PRKX: variants seen among roughly 807,000 people sequenced by gnomAD.
PRKX encodes protein kinase cAMP-dependent X-linked catalytic subunit.
PRKX carries 12 observed loss-of-function variants against 22.0 expected under a neutral mutation model. The observed-to-expected ratio is 0.54, with a 90% CI of 0.35 to 0.88. The LOEUF (loss-of-function observed/expected upper bound fraction) is 0.88. Ranked by LOEUF, PRKX falls within the 40% of genes least tolerant of loss-of-function variation. The pLI is 0.01. For synonymous variants in PRKX, 134 were observed against 137.7 expected, an observed-to-expected ratio of 0.97 and a Z score of 0.19; for missense variants, 217 against 308.0, an observed-to-expected ratio of 0.70 and a Z score of 2.21.
At chrX:3,613,150 C>CAAAAA (rs528688936) in intron 7 of PRKX, among the ~76,000 whole-genome samples, 4 of 54,322 alleles carry the variant, frequency 7.4e-5, no homozygotes, top group East Asian at 8.1e-4. Context: ...GACTTCGTCT[C>CAAAAA]AAAAAAAAAA....
At chrX:3,686,141 C>T (rs186866253) in intron 1 of PRKX, among the ~76,000 whole-genome samples, 1 of 111,614 alleles carries the variant, frequency 9.0e-6, no homozygotes, top group Non-Finnish European at 1.9e-5. Flanking sequence ...TTCATGAGGA[C>T]CTGTGGGCTG....
At position 3,680,782 on chromosome X, in the gene PRKX, G is replaced by A. The variant is rs367921896; in HGVS notation, c.167-6016C>T. Among the ~76,000 whole-genome samples the A allele has an allele frequency of 4.5e-5, 5 of 112,138 alleles. No homozygotes were observed. In the East Asian group the frequency reaches 1.1e-3, roughly 25 times the overall value. On this transcript the variant is annotated intron_variant, in intron 1 of 8. Coordinates refer to ENST00000262848, the MANE Select transcript of PRKX (RefSeq NM_005044.5). ...TGGGGGGAATCTACAGCCAGGCACCGTAGCTCGCAACTGTAATCCCAGCAC... is the reference window on the plus strand; with the variant it reads ...TGGGGGGAATCTACAGCCAGGCACCATAGCTCGCAACTGTAATCCCAGCAC...
chrX:3,625,478 C>G (rs1170006397), intron 5 of PRKX, among the ~76,000 whole-genome samples: 3 of 112,553 alleles, frequency 2.7e-5, no homozygotes, highest in African/African-American at 9.7e-5. Context: ...ATCAACTCAT[C>G]TGAAAAATAC....
At chrX:3,711,795 GGAGA>G (rs1033407694) in intron 1 of PRKX, among the ~76,000 whole-genome samples, 4 of 110,122 alleles carry the variant, frequency 3.6e-5, no homozygotes, top group African/African-American at 1.3e-4. Flanking sequence ...AAGGGGACAG[GGAGA>G]GAGACACCAA....
intron 4 of PRKX, among the ~76,000 whole-genome samples, chrX:3,637,729 G>T (rs35776967): frequency 1.8e-4 from 20 of 109,985 alleles, no homozygotes; most frequent in Non-Finnish European, 3.2e-4. Context: ...ATTGGGAGAC[G>T]GTTATTCATT....
Position 3,698,876 on chromosome X carries a change from C to A in PRKX, c.166+14212G>T, listed in dbSNP as rs777660773. Among the ~76,000 whole-genome samples the A allele has an allele frequency of 6.1e-4, 66 of 108,189 alleles. 1 individual carries two copies. The highest frequency in any genetic ancestry group is 2.2e-3 in the African/African-American group (64 of 29,674). The allele number at this position is 108,189 out of a possible 115,157, so 93.9% of individuals were successfully genotyped here. ...AAAGTGCTGGGATTACAGATGTGAG[C>A]CACCCCACCCAACCAGGTTTTCACT... On this transcript the variant is annotated intron_variant, in intron 1 of 8. Transcript: ENST00000262848.
intron 1 of PRKX, among the ~76,000 whole-genome samples, chrX:3,711,082 G>A (rs765383288): frequency 2.7e-5 from 3 of 111,347 alleles, no homozygotes; most frequent in East Asian, 2.8e-4. Flanking sequence ...ATAAAGAAAC[G>A]GGCTTGGATA....
In PRKX at chrX:3,701,732, G is replaced by A. The variant is rs186883247; in HGVS notation, c.166+11356C>T. Among the ~76,000 whole-genome samples, 209 of 111,395 alleles carry A rather than the reference G, an allele frequency of 1.9e-3. 2 individuals carry two copies. The highest frequency in any genetic ancestry group is 2.7e-3 in the Non-Finnish European group (146 of 53,126). On this transcript the variant is annotated intron_variant, in intron 1 of 8. Coordinates refer to ENST00000262848, the MANE Select transcript of PRKX (RefSeq NM_005044.5). ...ACAAGATGCCGGTCATAAGGAGCTT[G>A]CTGATAAAACAGGTTGCGGTAAAGA...
chrX:3,676,181 C>T (rs75998339), intron 1 of PRKX, among the ~76,000 whole-genome samples: 11 of 111,901 alleles, frequency 9.8e-5, no homozygotes, highest in Non-Finnish European at 2.1e-4. Context: ...AGATGAGCAA[C>T]TAAAACAAAA....
chrX:3,637,918 T>C (rs1176728562), intron 4 of PRKX, among the ~76,000 whole-genome samples: 3 of 109,911 alleles, frequency 2.7e-5, no homozygotes, highest in Middle Eastern at 4.7e-3. Context: ...ACAGGCACCA[T>C]GCCTGGCTTT....
At chrX:3,631,848 A>G (rs1353321970) in intron 4 of PRKX, among the ~76,000 whole-genome samples, 1 of 112,809 alleles carries the variant, frequency 8.9e-6, no homozygotes, top group Non-Finnish European at 1.9e-5. Flanking sequence ...GTCCTGAGAC[A>G]CTTTGATCTC....
chrX:3,699,467 G>A (rs1162211948), intron 1 of PRKX, among the ~76,000 whole-genome samples: 6 of 110,077 alleles, frequency 5.5e-5, no homozygotes, highest in Admixed American at 1.9e-4. Flanking sequence ...ATTCTCTCAC[G>A]TCAGCCTCCC....
chrX:3,681,271 C>G (rs772160358), intron 1 of PRKX, among the ~76,000 whole-genome samples: 15 of 109,897 alleles, frequency 1.4e-4, no homozygotes, highest in Non-Finnish European at 2.8e-4. Context: ...GGAGTCCCAA[C>G]TGCTCAAGAG....
At chrX:3,613,854 C>CAAAAAAAAAAAAAAAAAAAAAAAAAA (rs1205221732) in intron 7 of PRKX, among the ~76,000 whole-genome samples, 3 of 39,421 alleles carry the variant, frequency 7.6e-5, no homozygotes, top group Admixed American at 4.8e-4. Flanking sequence ...GACTCCATCT[C>CAAAAAAAAAAAAAAAAAAAAAAAAAA]AAAAAAAAAA....
intron 4 of PRKX, among the ~76,000 whole-genome samples, chrX:3,636,827 G>C (rs1456518716): frequency 9.0e-6 from 1 of 110,917 alleles, no homozygotes; most frequent in East Asian, 2.8e-4. Flanking sequence ...CGCCACTGCA[G>C]TCCAGCCTGG....
chrX:3,657,713 G>A, intron 2 of PRKX, among the ~76,000 whole-genome samples: 1 of 111,521 alleles, frequency 9.0e-6, no homozygotes, highest in East Asian at 2.8e-4. Context: ...CCCAAATGAA[G>A]TATTTCGAAG....
chrX:3,624,932 C>T (rs1432387980), intron 5 of PRKX, among the ~76,000 whole-genome samples: 1 of 111,277 alleles, frequency 9.0e-6, no homozygotes, highest in African/African-American at 3.3e-5. Flanking sequence ...TGGCCAAACT[C>T]GATCATAAAA....
chrX:3,610,696 C>T (rs1240698146), intron 8 of PRKX, among the ~76,000 whole-genome samples: 3 of 110,620 alleles, frequency 2.7e-5, no homozygotes. Context: ...GATTATATGA[C>T]AAAAATCCAT....
intron 2 of PRKX, among the ~76,000 whole-genome samples, chrX:3,665,263 A>G (rs1927701031): frequency 9.0e-6 from 1 of 111,163 alleles, no homozygotes; most frequent in Non-Finnish European, 1.9e-5. Flanking sequence ...GTTACCTGGC[A>G]ATGAGGAATT....
Sources: gnomAD v4.1 joint callset for allele counts (sites outside exome capture counted in the v4.1 genomes callset) on GRCh38, gnomAD v4.1.1 for gene constraint, MANE v1.5 for transcripts, NCBI Gene and HGNC (gene_info 2026-07-23, HGNC 2026-07-21) for gene names.